The following CADPS variants were observed in gnomAD, a reference collection of about 807,000 sequenced individuals.
CADPS encodes calcium-dependent secretion activator 1.
In CADPS, 57 loss-of-function variants were observed where a neutral mutation model predicts 167.3. The observed-to-expected ratio is 0.34, with a 90% CI of 0.28 to 0.42. The LOEUF is 0.42. Ranked by LOEUF, CADPS falls within the 20% of genes least tolerant of loss-of-function variation. The pLI is 1.00. For synonymous variants in CADPS, 676 were observed against 635.3 expected, an observed-to-expected ratio of 1.06 and a Z score of -0.96; for missense variants, 1,414 against 1,738.1, an observed-to-expected ratio of 0.81 and a Z score of 3.32.
chr3:62,622,511 G>C (rs1419290752), intron 6 of CADPS, among the ~76,000 whole-genome samples: 1 of 152,082 alleles, frequency 6.6e-6, no homozygotes, highest in African/African-American at 2.4e-5. Context: ...TGATTTTAAA[G>C]GTAGGGAGCT....
intron 1 of CADPS, among the ~76,000 whole-genome samples, chr3:62,803,003 A>T (rs1050579716): frequency 4.6e-5 from 7 of 152,194 alleles, no homozygotes; most frequent in Non-Finnish European, 7.3e-5. Flanking sequence ...TTCTGAGATG[A>T]GCAAGAAGAA....
chr3:62,577,155 G>C (rs1176088327), intron 8 of CADPS, among the ~76,000 whole-genome samples: 1 of 152,066 alleles, frequency 6.6e-6, no homozygotes, highest in Non-Finnish European at 1.5e-5. Context: ...CCTCTGCTCT[G>C]GGACTACTTG....
At chr3:62,835,518 C>T (rs1351075727) in intron 1 of CADPS, among the ~76,000 whole-genome samples, 1 of 152,108 alleles carries the variant, frequency 6.6e-6, no homozygotes, top group African/African-American at 2.4e-5. Context: ...TATGAGAAAA[C>T]ATGGGGCCTT....
At chr3:62,467,324 ATGAT>A in intron 24 of CADPS, 1 of 1,259,416 alleles carries the variant, frequency 7.9e-7, no homozygotes, top group Non-Finnish European at 1.0e-6. Context: ...TTTCAGAAGG[ATGAT>A]TAATTAGGAA....
Position 62,501,187 on chromosome 3 carries a change from G to T in CADPS, c.2600-1919C>A, listed in dbSNP as rs1431242809. Among the ~76,000 whole-genome samples, 3 of 152,192 alleles carry T rather than the reference G, an allele frequency of 2.0e-5. 1 individual carries two copies. Among genetic ancestry groups the T allele is most frequent in the Middle Eastern group, 6.3e-3 (2 of 316 alleles). On this transcript the variant is annotated intron_variant, in intron 17 of 29. Transcript: ENST00000383710. ...CCAACACTCAGAATAAGTAGATGTG[G>T]GAGCTTAGGTGCTGAGAGCCCATTG...
rs896620060 is a variant in CADPS at position 62,465,216 on chromosome 3, G to C, written c.3636+151C>G. Reference sequence around the variant, plus strand: ...GATTACCTGCTGTTATTAAATGTTTGGCTTTTCACATAGTGTTAATATTAT... The same window carrying C: ...GATTACCTGCTGTTATTAAATGTTTCGCTTTTCACATAGTGTTAATATTAT... On this transcript the variant is annotated intron_variant, in intron 26 of 29. Transcript: ENST00000383710. The surrounding 1 kb of genome is among the most constrained non-coding windows in gnomAD (Gnocchi z 4.1). The C allele has an allele frequency of 2.2e-5, 11 of 501,486 alleles. No individual in the cohort carries two copies. The highest frequency in any genetic ancestry group is 3.6e-5 in the Non-Finnish European group (10 of 275,816). The allele number at this position is 501,486 out of a possible 1,614,324, so 31.1% of individuals were successfully genotyped here.
intron 28 of CADPS, among the ~76,000 whole-genome samples, chr3:62,405,272 C>T (rs962130471): frequency 6.6e-6 from 1 of 151,840 alleles, no homozygotes; most frequent in African/African-American, 2.4e-5. Context: ...TCCAGGGCCT[C>T]ATGAGGGGTA....
chr3:62,859,732 G>T (rs559583627), intron 1 of CADPS, among the ~76,000 whole-genome samples: 1 of 152,324 alleles, frequency 6.6e-6, no homozygotes, highest in Admixed American at 6.5e-5. Context: ...AACTCATAGG[G>T]AGTTGTTTCT....
chr3:62,696,824 G>A lies in CADPS; in HGVS notation c.889-34430C>T, dbSNP rs540572817. ...GACACAGGATTGGCTGACCAGAATAGGATCATTTGCACATGAGGATGTTCT... is the reference window on the plus strand; with the variant it reads ...GACACAGGATTGGCTGACCAGAATAAGATCATTTGCACATGAGGATGTTCT... On this transcript the variant is annotated intron_variant, in intron 3 of 29. Coordinates refer to ENST00000383710, the MANE Select transcript of CADPS (RefSeq NM_003716.4). 2.0e-5 allele frequency among the ~76,000 whole-genome samples: 3 copies of A among 152,094 alleles called. No individual in the cohort carries two copies. The East Asian group carries it at 5.8e-4, about 29-fold the overall frequency.
chr3:62,718,835 G>A (rs1371370566), intron 3 of CADPS, among the ~76,000 whole-genome samples: 1 of 152,308 alleles, frequency 6.6e-6, no homozygotes, highest in East Asian at 1.9e-4. Flanking sequence ...AGAGTCCGTG[G>A]GAGGCCTCCT....
At chr3:62,456,999 G>A (rs1296460617) in intron 26 of CADPS, among the ~76,000 whole-genome samples, 1 of 152,090 alleles carries the variant, frequency 6.6e-6, no homozygotes, top group Non-Finnish European at 1.5e-5. Context: ...TCCTTCGATT[G>A]AATGCACTCT....
intron 3 of CADPS, among the ~76,000 whole-genome samples, chr3:62,752,171 G>A (rs1051905294): frequency 6.6e-6 from 1 of 152,168 alleles, no homozygotes; most frequent in Non-Finnish European, 1.5e-5. Flanking sequence ...TAGTGGTGGT[G>A]GAGGCTAACG....
chr3:62,775,726 G>C (rs2090114823), intron 1 of CADPS, among the ~76,000 whole-genome samples: 1 of 152,138 alleles, frequency 6.6e-6, no homozygotes. Flanking sequence ...AACTCAATCA[G>C]ACAAGTCCCT....
At chr3:62,628,665 T>C (rs2149639293) in intron 6 of CADPS, among the ~76,000 whole-genome samples, 1 of 150,210 alleles carries the variant, frequency 6.7e-6, no homozygotes, top group South Asian at 2.1e-4. Context: ...TCTCGCTCTG[T>C]CACCAGGCTG....
intron 6 of CADPS, among the ~76,000 whole-genome samples, chr3:62,637,685 CTG>C (rs2066576738): frequency 6.6e-6 from 1 of 152,130 alleles, no homozygotes; most frequent in African/African-American, 2.4e-5. Flanking sequence ...TTAAGTTACT[CTG>C]TTTTAGAGAT....
chr3:62,599,728 G>A (rs1280865791), intron 6 of CADPS, among the ~76,000 whole-genome samples: 3 of 31,062 alleles, frequency 9.7e-5, no homozygotes, highest in South Asian at 7.6e-4. Context: ...AATATATATA[G>A]TATATATAAT....
intron 8 of CADPS, among the ~76,000 whole-genome samples, chr3:62,582,164 G>A (rs756756328): frequency 1.6e-4 from 24 of 152,214 alleles, no homozygotes; most frequent in Non-Finnish European, 3.1e-4. Flanking sequence ...TTGCTTTTTC[G>A]GCAGGGCGCG....
intron 1 of CADPS, among the ~76,000 whole-genome samples, chr3:62,858,858 TA>T (rs977498090): frequency 3.9e-5 from 6 of 152,238 alleles, no homozygotes; most frequent in African/African-American, 1.4e-4. Flanking sequence ...AATTTGCAAA[TA>T]AAAAAATTAC....
chr3:62,660,403 T>G (rs2072906395), intron 4 of CADPS, among the ~76,000 whole-genome samples: 1 of 152,234 alleles, frequency 6.6e-6, no homozygotes, highest in Non-Finnish European at 1.5e-5. Flanking sequence ...ACTGTCACAT[T>G]AAGTGGGATT....
Sources: allele counts gnomAD v4.1 joint callset (sites outside exome capture counted in the v4.1 genomes callset), GRCh38; gene constraint gnomAD v4.1.1; non-coding constraint Gnocchi (gnomAD v3.1); transcripts MANE v1.5; gene names NCBI Gene and HGNC (gene_info 2026-07-23, HGNC 2026-07-21).